ZNRF1: variants seen among roughly 807,000 people sequenced by gnomAD.
ZNRF1 encodes the protein zinc and ring finger 1.
In ZNRF1, 3 loss-of-function variants were observed where a neutral mutation model predicts 18.4. The observed-to-expected ratio is 0.16, with a 90% confidence interval of 0.07 to 0.42. The LOEUF is 0.42. ZNRF1 is among the 10% of genes least tolerant of loss of function. ZNRF1 has a pLI of 0.99. For synonymous variants in ZNRF1, 157 were observed against 144.2 expected (o/e 1.09, Z -0.64); for missense variants, 310 against 329.8 (o/e 0.94, Z 0.47).
intron 1 of ZNRF1, among the ~76,000 whole-genome samples, chr16:75,000,711 T>C (rs2034837173): frequency 6.6e-6 from 1 of 152,194 alleles, no homozygotes; most frequent in South Asian, 2.1e-4. Context: ...TCGCGGGGGC[T>C]TTGCAGGACC....
At chr16:75,063,746 G>A (rs2035769307) in intron 1 of ZNRF1, among the ~76,000 whole-genome samples, 1 of 152,184 alleles carries the variant, frequency 6.6e-6, no homozygotes, top group South Asian at 2.1e-4. Context: ...CCGCCACCAA[G>A]CTCTGTGAGT....
intron 1 of ZNRF1, among the ~76,000 whole-genome samples, chr16:75,073,333 C>G (rs1486234571): frequency 6.6e-6 from 1 of 151,906 alleles, no homozygotes; most frequent in Non-Finnish European, 1.5e-5. Flanking sequence ...AGACCTCCCT[C>G]CAGTGCATGG....
Position 75,105,241 on chromosome 16 carries a change from C to G in ZNRF1, c.626+352C>G, listed in dbSNP as rs929607833. The G allele has an allele frequency of 7.6e-5, 20 of 262,480 alleles. No individual in the cohort carries two copies. In the South Asian group the frequency reaches 8.1e-4, roughly 11 times the overall value. The allele number at this position is 262,480 out of a possible 1,614,324, so 16.3% of individuals were successfully genotyped here. The stretch of plus-strand genomic sequence containing the variant: ...CCTGCCTCTTCTTCCTCTACGGGTC[C>G]CTCTGCTCCACAGGGGTAGAACATC... On this transcript the variant is annotated intron_variant, in intron 3 of 4. Coordinates refer to ENST00000335325, the MANE Select transcript of ZNRF1 (RefSeq NM_032268.5).
intron 1 of ZNRF1, among the ~76,000 whole-genome samples, chr16:75,025,449 C>A (rs950685933): frequency 6.6e-6 from 1 of 152,130 alleles, no homozygotes; most frequent in Admixed American, 6.5e-5. Flanking sequence ...ACACTTCTCC[C>A]TGACTATCCC....
At chr16:75,029,690 A>AC (rs1169567753) in intron 1 of ZNRF1, among the ~76,000 whole-genome samples, 1 of 151,806 alleles carries the variant, frequency 6.6e-6, no homozygotes, top group African/African-American at 2.4e-5. Flanking sequence ...AATCGCTTGA[A>AC]CCTAGGAGGC....
At chr16:75,049,358 C>T (rs778654972) in intron 1 of ZNRF1, among the ~76,000 whole-genome samples, 8 of 152,046 alleles carry the variant, frequency 5.3e-5, no homozygotes, top group South Asian at 2.1e-4. Flanking sequence ...GACCAGGTCT[C>T]GCTCTGTTGC....
intron 2 of ZNRF1, among the ~76,000 whole-genome samples, chr16:75,099,081 T>G (rs997978714): frequency 6.6e-6 from 1 of 152,068 alleles, no homozygotes; most frequent in South Asian, 2.1e-4. Flanking sequence ...ACGGGTGGTG[T>G]TTTCCAGCCC....
At chr16:75,107,460 T>A in intron 4 of ZNRF1, 1 of 304,038 alleles carries the variant, frequency 3.3e-6, no homozygotes, top group South Asian at 2.5e-5. Context: ...CCAGAACAGC[T>A]GATGATGTCA....
intron 1 of ZNRF1, among the ~76,000 whole-genome samples, chr16:75,045,338 A>C (rs2035501385): frequency 6.6e-6 from 1 of 151,998 alleles, no homozygotes; most frequent in African/African-American, 2.4e-5. Context: ...GGTGCTCTTG[A>C]CCATTTTTTT....
intron 2 of ZNRF1, among the ~76,000 whole-genome samples, chr16:75,094,104 C>T (rs2036171660): frequency 6.6e-6 from 1 of 152,174 alleles, no homozygotes; most frequent in Admixed American, 6.5e-5. Flanking sequence ...TGGTGGCATG[C>T]ATAGAGTGCT....
rs2036338448 is a variant in ZNRF1 at position 75,108,027 on chromosome 16, AAGTCT to A, written c.*331_*335del. The A allele has an allele frequency of 6.3e-6, 2 of 319,678 alleles. No homozygotes were observed. The highest frequency in any genetic ancestry group is 1.2e-5 in the Non-Finnish European group (2 of 162,974). 19.8% of individuals were successfully genotyped at this position (319,678 alleles called of 1,614,324 possible). A position where few individuals can be genotyped will look rare whatever the true frequency, so the allele number is the denominator to read the frequency against. ...TACAAAAAAAAATTATATAAAAAAA[AAGTCT>A]AGTGTCGACTGGTGTTTTCCCTCGT... On this transcript the variant is annotated 3_prime_UTR_variant, in exon 5 of 5. Coordinates refer to ENST00000335325, the MANE Select transcript of ZNRF1 (RefSeq NM_032268.5).
intron 1 of ZNRF1, among the ~76,000 whole-genome samples, chr16:75,041,828 A>ATAT (rs1369232955): frequency 2.6e-4 from 39 of 149,874 alleles, no homozygotes; most frequent in African/African-American, 8.5e-4. Flanking sequence ...ACTAAAAAAA[A>ATAT]AAATATATAT....
intron 2 of ZNRF1, 130 bp downstream of exon 2, chr16:75,093,797 A>C (rs1242512538): frequency 3.0e-6 from 2 of 660,478 alleles, no homozygotes; most frequent in African/African-American, 1.8e-5. Flanking sequence ...GGTGTGCCTC[A>C]GTGGTGGTGA....
chr16:75,086,848 C>T (rs562960701), intron 1 of ZNRF1, among the ~76,000 whole-genome samples: 1 of 152,094 alleles, frequency 6.6e-6, no homozygotes, highest in Non-Finnish European at 1.5e-5. Flanking sequence ...GCGTGGCTTT[C>T]TTTACCCTGG....
chr16:75,092,240 G>A (rs932958225), intron 1 of ZNRF1, among the ~76,000 whole-genome samples: 10 of 152,140 alleles, frequency 6.6e-5, no homozygotes, highest in African/African-American at 1.9e-4. Context: ...GGTCTTCATC[G>A]TGTTCACATT....
At position 75,079,887 on chromosome 16, in the gene ZNRF1, G is replaced by C. The variant is rs949098920; in HGVS notation, c.425-13685G>C. 6.6e-5 allele frequency among the ~76,000 whole-genome samples: 10 copies of C among 152,240 alleles called. No homozygotes were observed. In the East Asian group the frequency reaches 1.5e-3, roughly 24 times the overall value. On this transcript the variant is annotated intron_variant, in intron 1 of 4. Transcript: ENST00000335325. ...TAGCTGCGTGCCAGGACCCCAGCCT[G>C]AGTTGATGGTGTTTTTGTTTTTTGT...
At chr16:75,077,994 C>T (rs1012223841) in intron 1 of ZNRF1, among the ~76,000 whole-genome samples, 3 of 152,190 alleles carry the variant, frequency 2.0e-5, no homozygotes, top group Admixed American at 2.0e-4. Flanking sequence ...GTAAGGTAAA[C>T]ATTCACAGGT....
chr16:75,010,448 C>T (rs964651330), intron 1 of ZNRF1, among the ~76,000 whole-genome samples: 3 of 152,132 alleles, frequency 2.0e-5, no homozygotes, highest in East Asian at 3.8e-4. Context: ...AAGAATTTAA[C>T]GAATTGTCTC....
At chr16:75,002,004 T>C (rs1567461658) in intron 1 of ZNRF1, among the ~76,000 whole-genome samples, 2 of 152,208 alleles carry the variant, frequency 1.3e-5, no homozygotes, top group African/African-American at 4.8e-5. Context: ...GCTATTAATA[T>C]TGTAGGTAAT....
Sources: gnomAD v4.1 joint callset for allele counts (sites outside exome capture counted in the v4.1 genomes callset) on GRCh38, gnomAD v4.1.1 for gene constraint, MANE v1.5 for transcripts, NCBI Gene and HGNC (gene_info 2026-07-23, HGNC 2026-07-21) for gene names.